Variants in ANKDD1B observed in about 807,000 individuals in gnomAD.
The protein encoded by ANKDD1B is ankyrin repeat and death domain containing 1B, also known as ankyrin repeat and death domain-containing protein 1B.
A neutral mutation model predicts 59.7 loss-of-function variants in ANKDD1B; 57 were observed. That is an observed-to-expected ratio of 0.95 (90% confidence interval 0.77 to 1.19). The LOEUF is 1.19. Among genes scored for constraint, ANKDD1B ranks in the 50% most tolerant of loss-of-function variants. ANKDD1B has a pLI of 0.00. For missense variants in ANKDD1B, 602 were observed against 641.9 expected (o/e 0.94, Z 0.67); for synonymous variants, 216 against 239.5 (o/e 0.90, Z 0.91).
intron 1 of ANKDD1B, among the ~76,000 whole-genome samples, chr5:75,616,500 A>G (rs868645821): frequency 1.7e-4 from 26 of 152,140 alleles, no homozygotes; most frequent in African/African-American, 6.0e-4. Context: ...TGGGAAGTCT[A>G]TGGCCGCCTT....
intron 3 of ANKDD1B, among the ~76,000 whole-genome samples, chr5:75,623,842 A>T (rs1773920760): frequency 6.6e-6 from 1 of 152,214 alleles, no homozygotes; most frequent in South Asian, 2.1e-4. Flanking sequence ...AATCACCCCC[A>T]GTTGAGAATC....
In ANKDD1B at chr5:75,653,141, G is replaced by T; in HGVS notation, c.799-1G>T. The T allele has an allele frequency of 6.5e-7, 1 of 1,533,812 alleles. No individual in the cohort carries two copies. Among genetic ancestry groups the T allele is most frequent in the Non-Finnish European group, 8.7e-7 (1 of 1,144,822 alleles). On this transcript the variant is annotated splice_acceptor_variant, in intron 7 of 13. Coordinates refer to ENST00000601380, the MANE Select transcript of ANKDD1B (RefSeq NM_001276713.2). LOFTEE classifies it high-confidence loss of function. Reference sequence around the variant, plus strand: ...CTTGCCCTCTCTATTGTCTCTTGCAGCTCAATATCAGTAGTTTGCAGATAG... The same window carrying T: ...CTTGCCCTCTCTATTGTCTCTTGCATCTCAATATCAGTAGTTTGCAGATAG...
intron 3 of ANKDD1B, among the ~76,000 whole-genome samples, chr5:75,621,476 T>G (rs1447507983): frequency 6.6e-6 from 1 of 152,160 alleles, no homozygotes; most frequent in African/African-American, 2.4e-5. Context: ...TTTTTTTTAA[T>G]TTTAATTTAA....
At chr5:75,623,557 G>A (rs920804491) in intron 3 of ANKDD1B, among the ~76,000 whole-genome samples, 1 of 152,158 alleles carries the variant, frequency 6.6e-6, no homozygotes, top group Non-Finnish European at 1.5e-5. Flanking sequence ...TGCTGGAATT[G>A]TAAACCTACA....
chr5:75,621,077 C>T (rs1581130223), intron 3 of ANKDD1B, among the ~76,000 whole-genome samples: 3 of 152,314 alleles, frequency 2.0e-5, no homozygotes, highest in African/African-American at 7.2e-5. Context: ...GAAAGATTCC[C>T]CTATGTCAGA....
intron 7 of ANKDD1B, among the ~76,000 whole-genome samples, chr5:75,644,981 C>A (rs1283373454): frequency 3.0e-5 from 4 of 132,470 alleles, no homozygotes; most frequent in African/African-American, 1.3e-4. Flanking sequence ...AACTGAACAA[C>A]CTGCTCCTGA....
chr5:75,634,888 T>G lies in ANKDD1B; in HGVS notation c.601-10T>G. ...GTAATAAATGCTTGAGGTTTGTGAT[T>G]GATTTTTAGAAAGGAAGAAAACCAT... On this transcript the variant is annotated splice_polypyrimidine_tract_variant and intron_variant, in intron 5 of 13. Transcript: ENST00000601380. 6.6e-7 allele frequency: 1 copy of G among 1,506,614 alleles called. No individual in the cohort carries two copies. Among genetic ancestry groups the G allele is most frequent in the Non-Finnish European group, 8.9e-7 (1 of 1,120,098 alleles). The allele number at this position is 1,506,614 out of a possible 1,614,324, so 93.3% of individuals were successfully genotyped here. A position where few individuals can be genotyped will look rare whatever the true frequency, so the allele number is the denominator to read the frequency against.
At chr5:75,630,322 C>T (rs1307519540) in intron 5 of ANKDD1B, among the ~76,000 whole-genome samples, 1 of 152,182 alleles carries the variant, frequency 6.6e-6, no homozygotes, top group African/African-American at 2.4e-5. Flanking sequence ...TCTCATTATG[C>T]TATAATCTCA....
intron 3 of ANKDD1B, among the ~76,000 whole-genome samples, chr5:75,623,139 C>T (rs1425780641): frequency 1.3e-5 from 2 of 152,054 alleles, no homozygotes; most frequent in Non-Finnish European, 2.9e-5. Flanking sequence ...AGTACAACGG[C>T]GCAATCTTGG....
At chr5:75,613,000 G>A (rs1773611943) in intron 1 of ANKDD1B, among the ~76,000 whole-genome samples, 1 of 152,212 alleles carries the variant, frequency 6.6e-6, no homozygotes, top group African/African-American at 2.4e-5. Flanking sequence ...CAGACCTCTA[G>A]AGAAGAACAT....
chr5:75,623,701 C>G (rs1773916789), intron 3 of ANKDD1B, among the ~76,000 whole-genome samples: 1 of 152,086 alleles, frequency 6.6e-6, no homozygotes, highest in Non-Finnish European at 1.5e-5. Context: ...TGGGGCTGCC[C>G]TGTGTATTGT....
At chr5:75,668,461 A>G (rs143032979) in intron 12 of ANKDD1B, among the ~76,000 whole-genome samples, 15 of 152,330 alleles carry the variant, frequency 9.8e-5, no homozygotes, top group Middle Eastern at 6.8e-3. Flanking sequence ...GTCCAGGAGT[A>G]CATTCTGTAA....
chr5:75,661,564 T>A (rs1271703390), intron 10 of ANKDD1B, among the ~76,000 whole-genome samples: 1 of 152,162 alleles, frequency 6.6e-6, no homozygotes, highest in East Asian at 1.9e-4. Flanking sequence ...CATTTAGCCT[T>A]AGTATTTTTT....
chr5:75,666,071 C>A (rs1176381348), intron 11 of ANKDD1B, among the ~76,000 whole-genome samples: 1 of 152,102 alleles, frequency 6.6e-6, no homozygotes, highest in Non-Finnish European at 1.5e-5. Context: ...AGCAGTGATG[C>A]CTGCTTTCAC....
At chr5:75,666,257 C>A in intron 11 of ANKDD1B, among the ~76,000 whole-genome samples, 1 of 152,188 alleles carries the variant, frequency 6.6e-6, no homozygotes, top group Non-Finnish European at 1.5e-5. Context: ...GTCCTCTCCA[C>A]TCCCTTAGTC....
At chr5:75,633,178 GTC>G (rs1238695627) in intron 5 of ANKDD1B, among the ~76,000 whole-genome samples, 1 of 152,200 alleles carries the variant, frequency 6.6e-6, no homozygotes, top group African/African-American at 2.4e-5. Flanking sequence ...GTTCCAAGCA[GTC>G]TCTGTTTCTT....
rs1413830116 is a variant in ANKDD1B, at chr5:75,611,676, A to AG, written c.48dup (p.Leu17AlafsTer53). ...GCGCCCGGGGCCAAGGGGCCACGGC[A>AG]GGGGGGCTGCTGCTCCGGGCTGCTG... On this transcript the variant is annotated frameshift_variant, in exon 1 of 14. Transcript: ENST00000601380. LOFTEE classifies it high-confidence loss of function. 18 of 1,231,624 alleles carry AG rather than the reference A, an allele frequency of 1.5e-5. No individual in the cohort carries two copies. The highest frequency in any genetic ancestry group is 1.7e-5 in the Non-Finnish European group (17 of 988,108). 76.3% of individuals were successfully genotyped at this position (1,231,624 alleles called of 1,614,324 possible).
chr5:75,639,446 C>T (rs1477358447), intron 7 of ANKDD1B, among the ~76,000 whole-genome samples: 1 of 152,198 alleles, frequency 6.6e-6, no homozygotes, highest in Admixed American at 6.5e-5. Context: ...ATCCACCCAC[C>T]TCGGTCTCCC....
At position 75,611,666 on chromosome 5, in the gene ANKDD1B, G is replaced by A. The variant is rs1303900306; in HGVS notation, c.32G>A (p.Gly11Glu). 1.6e-6 allele frequency: 2 copies of A among 1,231,472 alleles called. No homozygotes were observed. Among genetic ancestry groups the A allele is most frequent in the South Asian group, 4.1e-5 (1 of 24,320 alleles). The allele number at this position is 1,231,472 out of a possible 1,614,324, so 76.3% of individuals were successfully genotyped here. Reference protein sequence around the residue: MDPAGRARGQGATAGGLLLRA... With the variant: MDPAGRARGQEATAGGLLLRA... ...CCCGCCGGGCGCGCCCGGGGCCAAG[G>A]GGCCACGGCAGGGGGGCTGCTGCTC... is the stretch of plus-strand genomic sequence containing the variant. The change falls in exon 1 of 14, where the codon GGG (glycine) becomes GAG (glutamate). Residue 11 changes from glycine to glutamate, a missense_variant. Physicochemically the swap from Gly to Glu is moderately conservative, Grantham distance 98 (BLOSUM62 -2). This residue lies in a region of ANKDD1B where 317 missense variants were observed against 304.6 expected (regional missense o/e 1.04). Transcript: ENST00000601380.
Sources: allele counts gnomAD v4.1 joint callset (sites outside exome capture counted in the v4.1 genomes callset), GRCh38; gene constraint gnomAD v4.1.1; regional missense constraint gnomAD v4.1.1; transcripts MANE v1.5; gene names NCBI Gene and HGNC (gene_info 2026-07-23, HGNC 2026-07-21).